Variants in STK32A observed in about 807,000 individuals in gnomAD.
STK32A encodes serine/threonine kinase 32A.
In STK32A, 41 loss-of-function variants were observed where a neutral mutation model predicts 53.2. The ratio of observed to expected loss-of-function variants is 0.77; its 90% CI spans 0.60 to 1.00. STK32A has a LOEUF of 1.00. STK32A is among the 50% of genes least tolerant of loss of function. The pLI, the probability that STK32A is intolerant of heterozygous loss-of-function variation, is 0.00. For missense variants in STK32A, 458 were observed against 485.8 expected (o/e 0.94, Z 0.54); for synonymous variants, 166 against 162.8 (o/e 1.02, Z -0.15).
intron 4 of STK32A, among the ~76,000 whole-genome samples, chr5:147,280,402 G>C (rs1751997993): frequency 7.2e-6 from 1 of 139,714 alleles, no homozygotes; most frequent in Non-Finnish European, 1.5e-5. Context: ...CCTGGGAGCT[G>C]TGTTGGCGGG....
intron 5 of STK32A, among the ~76,000 whole-genome samples, chr5:147,330,780 C>G (rs1754829755): frequency 6.6e-6 from 1 of 152,230 alleles, no homozygotes; most frequent in Non-Finnish European, 1.5e-5. Flanking sequence ...TCCAAGAAGG[C>G]TGCCCACCTG....
At chr5:147,260,391 G>A (rs1754504104) in intron 2 of STK32A, among the ~76,000 whole-genome samples, 1 of 151,374 alleles carries the variant, frequency 6.6e-6, no homozygotes, top group African/African-American at 2.4e-5. Flanking sequence ...TTATGCTGCT[G>A]TTCTCCCCTC....
intron 4 of STK32A, among the ~76,000 whole-genome samples, chr5:147,294,637 T>A (rs1434895404): frequency 1.3e-5 from 2 of 152,114 alleles, no homozygotes; most frequent in Non-Finnish European, 2.9e-5. Flanking sequence ...TTTATATACC[T>A]TATGTATAGA....
At chr5:147,393,841 A>G in the STK32A span, 9 of 621,472 alleles carry the variant, frequency 1.4e-5, no homozygotes, top group Non-Finnish European at 1.4e-5. Context: ...AAGGCTATGC[A>G]TAAACAGAAA....
At chr5:147,347,566 G>T (rs989944138) in intron 6 of STK32A, among the ~76,000 whole-genome samples, 4 of 152,154 alleles carry the variant, frequency 2.6e-5, no homozygotes, top group African/African-American at 9.7e-5. Context: ...CATGCATCCT[G>T]CAATGCACAG....
intron 4 of STK32A, among the ~76,000 whole-genome samples, chr5:147,294,278 A>AT (rs1211742130): frequency 6.6e-6 from 1 of 152,092 alleles, no homozygotes; most frequent in Non-Finnish European, 1.5e-5. Context: ...TACTTCTTTT[A>AT]TTTTGAGACA....
At chr5:147,307,396 A>C (rs1451229184) in intron 4 of STK32A, among the ~76,000 whole-genome samples, 1 of 152,070 alleles carries the variant, frequency 6.6e-6, no homozygotes, top group Non-Finnish European at 1.5e-5. Flanking sequence ...CGAGGCAGGC[A>C]GATCACTTGA....
intron 4 of STK32A, among the ~76,000 whole-genome samples, chr5:147,310,574 A>G (rs937474978): frequency 1.3e-5 from 2 of 152,126 alleles, no homozygotes; most frequent in East Asian, 1.9e-4. Context: ...GCCATTTCCA[A>G]TCCCATCAGT....
chr5:147,335,798 TGTGTGTGCGCGCGTGCATGCGTGCGC>T (rs1250988349), intron 5 of STK32A, among the ~76,000 whole-genome samples: 5 of 152,160 alleles, frequency 3.3e-5, no homozygotes, highest in African/African-American at 4.8e-5. Flanking sequence ...TGTATGTGTG[TGTGTGTGCGCGCGTGCATGCGTGCGC>T]GTGTGTGCGC....
At chr5:147,362,667 C>T (rs1756562197) in intron 8 of STK32A, among the ~76,000 whole-genome samples, 1 of 152,166 alleles carries the variant, frequency 6.6e-6, no homozygotes, top group Admixed American at 6.5e-5. Context: ...TAACTTATTC[C>T]CATATCAACT....
chr5:147,315,496 T>C (rs2151973969), intron 4 of STK32A, among the ~76,000 whole-genome samples: 1 of 152,318 alleles, frequency 6.6e-6, no homozygotes. Flanking sequence ...ATTATATGAT[T>C]CCACTTAGAT....
intron 1 of STK32A, among the ~76,000 whole-genome samples, chr5:147,237,204 T>C (rs1448639943): frequency 6.6e-6 from 1 of 151,944 alleles, no homozygotes; most frequent in African/African-American, 2.4e-5. Flanking sequence ...TCTCAGCTAC[T>C]TGGGAGGCTG....
intron 7 of STK32A, among the ~76,000 whole-genome samples, chr5:147,360,321 C>T (rs971846496): frequency 6.6e-6 from 1 of 151,406 alleles, no homozygotes; most frequent in African/African-American, 2.4e-5. Context: ...TGTGGTGGTA[C>T]CCACCTGTAG....
chr5:147,304,325 A>C (rs1314933021), intron 4 of STK32A, among the ~76,000 whole-genome samples: 1 of 152,214 alleles, frequency 6.6e-6, no homozygotes, highest in African/African-American at 2.4e-5. Flanking sequence ...TTAGATGATC[A>C]TGTCATTCAT....
chr5:147,284,588 A>G (rs1268015067), intron 4 of STK32A, among the ~76,000 whole-genome samples: 5 of 152,142 alleles, frequency 3.3e-5, no homozygotes, highest in African/African-American at 4.8e-5. Flanking sequence ...AATGTACACA[A>G]ATCAGTAGCT....
At chr5:147,376,983 G>T (rs1203141961) in intron 11 of STK32A, among the ~76,000 whole-genome samples, 1 of 152,120 alleles carries the variant, frequency 6.6e-6, no homozygotes, top group East Asian at 1.9e-4. Flanking sequence ...CATCTGTTAT[G>T]AATATAGATG....
chr5:147,370,618 T>C (rs781481072), intron 8 of STK32A, 36 bp from the exon 9 acceptor site: 2 of 1,415,516 alleles, frequency 1.4e-6, no homozygotes, highest in Non-Finnish European at 2.0e-6. Flanking sequence ...TTTTGTCCTA[T>C]ACAAATGAAG....
chr5:147,382,989 C>G lies in STK32A; in HGVS notation c.1033-452C>G, dbSNP rs116873544. ...ACAGATCCTCAGAATTTGGAGAACACAGTTCTTGCTTTCCACCCTGACTCT... is the reference window on the plus strand; with the variant it reads ...ACAGATCCTCAGAATTTGGAGAACAGAGTTCTTGCTTTCCACCCTGACTCT... On this transcript the variant is annotated intron_variant, in intron 11 of 12. Transcript: ENST00000397936. 245 of 158,494 alleles carry G rather than the reference C, an allele frequency of 1.5e-3. 3 individuals are homozygous for G. The highest frequency in any genetic ancestry group is 0.013 in the South Asian group (71 of 5,262). The allele number at this position is 158,494 out of a possible 1,614,324, so 9.8% of individuals were successfully genotyped here.
In STK32A at chr5:147,384,329, A is replaced by G; in HGVS notation, c.*346A>G. On this transcript the variant is annotated 3_prime_UTR_variant, in exon 13 of 13. Coordinates refer to ENST00000397936, the MANE Select transcript of STK32A (RefSeq NM_001112724.2). ...CCGCCTTTATTTTTATTTTAAAATT[A>G]ATATATGAATATAGATTTATTTTTC... The G allele has an allele frequency of 7.0e-7, 1 of 1,437,930 alleles. No individual in the cohort carries two copies. The highest frequency in any genetic ancestry group is 1.5e-5 in the South Asian group (1 of 68,720). The allele number at this position is 1,437,930 out of a possible 1,614,324, so 89.1% of individuals were successfully genotyped here.
Sources: gnomAD v4.1 joint callset for allele counts (sites outside exome capture counted in the v4.1 genomes callset) on GRCh38, gnomAD v4.1.1 for gene constraint, MANE v1.5 for transcripts, NCBI Gene and HGNC (gene_info 2026-07-23, HGNC 2026-07-21) for gene names.